The following EPHA6 variants were observed in gnomAD, a reference collection of about 807,000 sequenced individuals.
EPHA6 encodes EPH receptor A6.
A neutral mutation model predicts 112.0 loss-of-function variants in EPHA6; 50 were observed. The observed-to-expected ratio is 0.45, with a 90% CI of 0.36 to 0.56. The LOEUF (loss-of-function observed/expected upper bound fraction) is 0.56, where lower values mean the gene tolerates loss of function less well. EPHA6 is among the 20% of genes least tolerant of loss of function. The probability of loss-of-function intolerance (pLI) is 0.00; values close to 1 mark genes in which losing one functional copy is unlikely to be tolerated. For synonymous variants in EPHA6, 529 were observed against 490.7 expected, an observed-to-expected ratio of 1.08 and a Z score of -1.03; for missense variants, 1,280 against 1,417.4, an observed-to-expected ratio of 0.90 and a Z score of 1.56.
chr3:97,669,928 A>G (rs1267299734), intron 14 of EPHA6, among the ~76,000 whole-genome samples: 2 of 152,154 alleles, frequency 1.3e-5, no homozygotes. Flanking sequence ...CTTTTCCTTA[A>G]TGCATTTGCC....
intron 7 of EPHA6, among the ~76,000 whole-genome samples, chr3:97,458,697 G>T (rs1436016494): frequency 6.6e-6 from 1 of 152,062 alleles, no homozygotes; most frequent in Non-Finnish European, 1.5e-5. Context: ...AAAATGATTT[G>T]TTTTAAAATT....
intron 3 of EPHA6, among the ~76,000 whole-genome samples, chr3:97,001,928 T>C (rs1432372973): frequency 1.3e-5 from 2 of 152,084 alleles, no homozygotes; most frequent in Middle Eastern, 3.2e-3. Flanking sequence ...TGAAAACCTC[T>C]TGAAAGATGG....
chr3:96,882,498 C>A (rs1434101486), intron 2 of EPHA6, among the ~76,000 whole-genome samples: 1 of 152,062 alleles, frequency 6.6e-6, no homozygotes, highest in East Asian at 1.9e-4. Context: ...TTATCCCTTT[C>A]CCACCTCTCA....
At chr3:97,590,576 T>C (rs2093533643) in intron 11 of EPHA6, among the ~76,000 whole-genome samples, 1 of 152,186 alleles carries the variant, frequency 6.6e-6, no homozygotes, top group African/African-American at 2.4e-5. Flanking sequence ...TTCTTCAAAT[T>C]GCCTTTAATT....
intron 1 of EPHA6, among the ~76,000 whole-genome samples, chr3:96,866,079 G>T (rs1348671271): frequency 6.6e-6 from 1 of 151,926 alleles, no homozygotes; most frequent in Non-Finnish European, 1.5e-5. Flanking sequence ...CCTCATCCTA[G>T]ACCAGTTCAA....
At chr3:97,110,921 T>C (rs2108281705) in intron 3 of EPHA6, among the ~76,000 whole-genome samples, 1 of 152,224 alleles carries the variant, frequency 6.6e-6, no homozygotes, top group South Asian at 2.1e-4. Context: ...TTGTCAAAAT[T>C]TGCAGGAAGT....
At chr3:97,508,260 T>C (rs2092295325) in intron 10 of EPHA6, among the ~76,000 whole-genome samples, 1 of 152,154 alleles carries the variant, frequency 6.6e-6, no homozygotes. Flanking sequence ...GATGTTAGGG[T>C]GTCAGTTTAG....
At chr3:97,317,465 A>G (rs1359961412) in intron 5 of EPHA6, among the ~76,000 whole-genome samples, 1 of 152,056 alleles carries the variant, frequency 6.6e-6, no homozygotes, top group East Asian at 1.9e-4. Context: ...TTATCATGGT[A>G]GTCATGATAA....
chr3:97,490,810 C>T (rs2091819846), intron 10 of EPHA6, among the ~76,000 whole-genome samples: 2 of 152,194 alleles, frequency 1.3e-5, no homozygotes, highest in Non-Finnish European at 2.9e-5. Context: ...TGGCTTAGCT[C>T]CTGCACAGTT....
intron 3 of EPHA6, among the ~76,000 whole-genome samples, chr3:97,153,353 C>T (rs1258762472): frequency 1.3e-5 from 2 of 151,982 alleles, no homozygotes; most frequent in African/African-American, 4.8e-5. Context: ...CAAAAAAAAT[C>T]CATTCCTTCC....
intron 3 of EPHA6, among the ~76,000 whole-genome samples, chr3:97,166,438 T>A (rs1373465811): frequency 6.6e-6 from 1 of 151,956 alleles, no homozygotes; most frequent in East Asian, 1.9e-4. Context: ...AGACCCTGCC[T>A]GTGATCTTAT....
chr3:97,528,161 A>T (rs72930164), intron 10 of EPHA6, among the ~76,000 whole-genome samples: 2,708 of 152,260 alleles, frequency 0.018, 75 homozygotes, highest in African/African-American at 0.057. Context: ...GTACTTAGAC[A>T]AAATTATTAA....
chr3:97,165,329 T>C (rs1391389774), intron 3 of EPHA6, among the ~76,000 whole-genome samples: 2 of 152,174 alleles, frequency 1.3e-5, no homozygotes, highest in African/African-American at 2.4e-5. Context: ...ACATATATAA[T>C]ATTTTCAACA....
At chr3:97,176,576 T>G (rs570341379) in intron 3 of EPHA6, among the ~76,000 whole-genome samples, 4 of 151,982 alleles carry the variant, frequency 2.6e-5, no homozygotes, top group Middle Eastern at 3.4e-3. Flanking sequence ...TTGTTACTTT[T>G]TATTGGTTTA....
rs934081127 is a variant in EPHA6 at position 97,448,870 on chromosome 3, A to T, written c.1894+140A>T. ...TGTTCATGTAAATACTCATACAGTC[A>T]TTTCAGTTAATATTTGTTGCTATCA... On this transcript the variant is annotated intron_variant, in intron 7 of 17. Coordinates refer to ENST00000389672, the MANE Select transcript of EPHA6 (RefSeq NM_001080448.3). 4.1e-6 allele frequency: 3 copies of T among 738,322 alleles called. No homozygotes were observed. In the Admixed American group the frequency reaches 7.9e-5, roughly 20 times the overall value. The allele number at this position is 738,322 out of a possible 1,614,324, so 45.7% of individuals were successfully genotyped here. A position where few individuals can be genotyped will look rare whatever the true frequency, so the allele number is the denominator to read the frequency against.
chr3:97,496,001 T>A (rs1560069647), intron 10 of EPHA6, among the ~76,000 whole-genome samples: 1 of 152,148 alleles, frequency 6.6e-6, no homozygotes, highest in African/African-American at 2.4e-5. Context: ...CAGTCTTTAT[T>A]CAGAACTAAA....
chr3:97,418,609 G>C (rs914635838), intron 6 of EPHA6, among the ~76,000 whole-genome samples: 2 of 151,966 alleles, frequency 1.3e-5, no homozygotes, highest in Non-Finnish European at 2.9e-5. Context: ...AAGAATAAGG[G>C]TAAAATATTG....
At chr3:97,421,263 CTT>C (rs1490237730) in intron 6 of EPHA6, among the ~76,000 whole-genome samples, 4 of 152,040 alleles carry the variant, frequency 2.6e-5, no homozygotes, top group African/African-American at 9.7e-5. Context: ...TGATATGACT[CTT>C]TACATAAAAA....
intron 14 of EPHA6, among the ~76,000 whole-genome samples, chr3:97,699,818 T>C (rs971072326): frequency 6.6e-6 from 1 of 152,238 alleles, no homozygotes; most frequent in Non-Finnish European, 1.5e-5. Context: ...ATAACACATG[T>C]TCATATAAGC....
Sources: allele counts gnomAD v4.1 joint callset (sites outside exome capture counted in the v4.1 genomes callset), GRCh38; gene constraint gnomAD v4.1.1; transcripts MANE v1.5; gene names NCBI Gene and HGNC (gene_info 2026-07-23, HGNC 2026-07-21).